AUTS2: variants seen among roughly 807,000 people sequenced by gnomAD.
AUTS2 encodes activator of transcription and developmental regulator AUTS2.
In AUTS2, 17 loss-of-function variants were observed where a neutral mutation model predicts 112.4. That is an observed-to-expected ratio of 0.15 (90% CI 0.10 to 0.23). The LOEUF (loss-of-function observed/expected upper bound fraction) is 0.23. Among genes scored for constraint, AUTS2 ranks in the 10% least tolerant of loss-of-function variants. AUTS2 has a pLI of 1.00. For missense variants in AUTS2, 1,510 were observed against 1,701.6 expected, an observed-to-expected ratio of 0.89 and a Z score of 1.98; for synonymous variants, 751 against 702.7, an observed-to-expected ratio of 1.07 and a Z score of -1.09.
At chr7:70,182,333 T>C (rs1429406711) in intron 4 of AUTS2, among the ~76,000 whole-genome samples, 4 of 152,222 alleles carry the variant, frequency 2.6e-5, no homozygotes, top group Non-Finnish European at 4.4e-5. Flanking sequence ...TCTTGCCTGT[T>C]TTGAACTTTA....
chr7:70,436,791 A>G (rs541649448), intron 5 of AUTS2: 1 of 152,352 alleles, frequency 6.6e-6, no homozygotes, highest in East Asian at 1.9e-4. Context: ...AGCCTCCAAG[A>G]GAGATCTAAA....
chr7:70,430,487 A>G (rs1795611656), intron 4 of AUTS2, among the ~76,000 whole-genome samples: 1 of 152,210 alleles, frequency 6.6e-6, no homozygotes, highest in Non-Finnish European at 1.5e-5. Flanking sequence ...CAGAGAGTTT[A>G]AATAACTTTT....
chr7:70,462,406 T>C (rs1797002559), intron 5 of AUTS2, among the ~76,000 whole-genome samples: 1 of 152,160 alleles, frequency 6.6e-6, no homozygotes. Context: ...GCAAGTGTAG[T>C]ACAGTGTTAA....
chr7:70,482,719 T>G (rs1336315742), intron 5 of AUTS2, among the ~76,000 whole-genome samples: 1 of 152,222 alleles, frequency 6.6e-6, no homozygotes, highest in Non-Finnish European at 1.5e-5. Context: ...CCGTGAATCC[T>G]AAACGAAGCT....
chr7:70,003,934 T>C (rs1440510156), intron 2 of AUTS2, among the ~76,000 whole-genome samples: 1 of 80,200 alleles, frequency 1.2e-5, no homozygotes, highest in East Asian at 3.2e-4. Flanking sequence ...ATATATATAT[T>C]ATATATGAAT....
At chr7:70,600,687 A>T (rs1049689891) in intron 5 of AUTS2, among the ~76,000 whole-genome samples, 4 of 152,162 alleles carry the variant, frequency 2.6e-5, no homozygotes, top group Non-Finnish European at 5.9e-5. Flanking sequence ...CCCATTAGCA[A>T]TCACTCTCTG....
At chr7:70,117,840 C>T (rs2129572569) in intron 2 of AUTS2, among the ~76,000 whole-genome samples, 1 of 152,096 alleles carries the variant, frequency 6.6e-6, no homozygotes, top group South Asian at 2.1e-4. Flanking sequence ...CCTCCGCCTC[C>T]CAGGTTCAAG....
intron 5 of AUTS2, among the ~76,000 whole-genome samples, chr7:70,482,958 A>G (rs1304491104): frequency 6.6e-6 from 1 of 152,172 alleles, no homozygotes; most frequent in East Asian, 1.9e-4. Flanking sequence ...AGCGGTTGGG[A>G]CATGTCATAT....
At chr7:69,953,302 T>TC (rs1346068581) in intron 2 of AUTS2, among the ~76,000 whole-genome samples, 2 of 152,272 alleles carry the variant, frequency 1.3e-5, no homozygotes, top group Non-Finnish European at 2.9e-5. Flanking sequence ...TATCACTGTG[T>TC]CCCCCTCACC....
In AUTS2 at chr7:70,722,035, CT is replaced by C. The variant is rs376563267; in HGVS notation, c.742+23425del. Among the ~76,000 whole-genome samples the C allele has an allele frequency of 3.9e-4, 58 of 148,958 alleles. No homozygotes were observed. The East Asian group carries it at 8.8e-3, about 23-fold the overall frequency. On this transcript the variant is annotated intron_variant, in intron 6 of 18. Coordinates refer to ENST00000342771, the MANE Select transcript of AUTS2 (RefSeq NM_015570.4). ...GTGTGCTTTTTTACAAAATAGTGAGCTTTTTTTTTTCTTTCATTTTTGAATC... is the reference window on the plus strand; with the variant it reads ...GTGTGCTTTTTTACAAAATAGTGAGCTTTTTTTTTCTTTCATTTTTGAATC...
chr7:69,895,677 C>T (rs1275472605), intron 1 of AUTS2, among the ~76,000 whole-genome samples: 4 of 152,024 alleles, frequency 2.6e-5, no homozygotes, highest in Non-Finnish European at 5.9e-5. Flanking sequence ...AGCTATTCTG[C>T]AGTGCAGTGA....
chr7:70,219,345 G>A (rs931872416), intron 4 of AUTS2, among the ~76,000 whole-genome samples: 2 of 152,090 alleles, frequency 1.3e-5, no homozygotes, highest in African/African-American at 4.8e-5. Context: ...AGAACAACAT[G>A]TTGTATAATC....
chr7:69,636,232 C>G (rs2129110080), intron 1 of AUTS2, among the ~76,000 whole-genome samples: 1 of 152,284 alleles, frequency 6.6e-6, no homozygotes, highest in Admixed American at 6.5e-5. Flanking sequence ...AAAGATCATA[C>G]ATTATCTTTT....
chr7:70,375,421 T>C (rs1290727561), intron 4 of AUTS2, among the ~76,000 whole-genome samples: 1 of 152,210 alleles, frequency 6.6e-6, no homozygotes, highest in East Asian at 1.9e-4. Flanking sequence ...TTCCATTCTT[T>C]GTATTGGCTA....
At chr7:69,909,910 A>G (rs998471268) in intron 2 of AUTS2, among the ~76,000 whole-genome samples, 3 of 152,230 alleles carry the variant, frequency 2.0e-5, no homozygotes, top group African/African-American at 7.2e-5. Context: ...AAGATTATTA[A>G]TAATGACTTT....
chr7:69,971,537 A>G (rs1390907345), intron 2 of AUTS2, among the ~76,000 whole-genome samples: 2 of 152,230 alleles, frequency 1.3e-5, no homozygotes, highest in African/African-American at 2.4e-5. Context: ...ACATCAGTAC[A>G]GTGAAAATAC....
intron 5 of AUTS2, among the ~76,000 whole-genome samples, chr7:70,548,746 C>A (rs1800894964): frequency 6.6e-6 from 1 of 152,090 alleles, no homozygotes; most frequent in Non-Finnish European, 1.5e-5. Context: ...CATTTCTATT[C>A]CTTTGATCTA....
At chr7:70,720,707 A>G (rs1247843324) in intron 6 of AUTS2, among the ~76,000 whole-genome samples, 4 of 152,138 alleles carry the variant, frequency 2.6e-5, no homozygotes, top group Non-Finnish European at 5.9e-5. Flanking sequence ...TCAGAATTAC[A>G]GGACTTTAGT....
chr7:69,884,271 G>C (rs1276283246), intron 1 of AUTS2, among the ~76,000 whole-genome samples: 1 of 152,198 alleles, frequency 6.6e-6, no homozygotes, highest in Non-Finnish European at 1.5e-5. Flanking sequence ...CTTAAAAAAT[G>C]AGAGGACATT....
Sources: allele counts gnomAD v4.1 joint callset (sites outside exome capture counted in the v4.1 genomes callset), GRCh38; gene constraint gnomAD v4.1.1; transcripts MANE v1.5; gene names NCBI Gene and HGNC (gene_info 2026-07-23, HGNC 2026-07-21).